ACP3: variants seen among roughly 807,000 people sequenced by gnomAD.
ACP3 encodes the protein acid phosphatase 3, also known as prostatic acid phosphatase.
Under a neutral mutation model 45.6 loss-of-function variants are expected in ACP3, and 38 were observed. That is an observed-to-expected ratio of 0.83 (90% CI 0.64 to 1.09). ACP3 has a LOEUF of 1.09. Ranked by LOEUF, ACP3 falls within the 50% of genes least tolerant of loss-of-function variation. ACP3 has a pLI of 0.00. For missense variants in ACP3, 466 were observed against 463.2 expected (o/e 1.01, Z -0.05); for synonymous variants, 162 against 164.7 (o/e 0.98, Z 0.13).
Position 132,358,341 on chromosome 3 carries a change from A to C in ACP3, c.*1463A>C. 8.9e-7 allele frequency: 1 copy of C among 1,117,466 alleles called. No homozygotes were observed. 69.2% of individuals were successfully genotyped at this position (1,117,466 alleles called of 1,614,324 possible). The stretch of plus-strand genomic sequence containing the variant: ...TTGGAATGTTGAGAGTGTGGTTACG[A>C]AATACGTTAGGAGGACAAAAGGAAT... On this transcript the variant is annotated 3_prime_UTR_variant, in exon 10 of 10. Coordinates refer to ENST00000336375, the MANE Select transcript of ACP3 (RefSeq NM_001099.5).
intron 4 of ACP3, among the ~76,000 whole-genome samples, chr3:132,337,121 G>C (rs1937505193): frequency 6.6e-6 from 1 of 151,356 alleles, no homozygotes; most frequent in Non-Finnish European, 1.5e-5. Context: ...CCTACTGCAA[G>C]AAATGAAAGT....
intron 1 of ACP3, among the ~76,000 whole-genome samples, chr3:132,322,897 G>A (rs954262357): frequency 2.0e-5 from 3 of 152,232 alleles, no homozygotes; most frequent in African/African-American, 7.2e-5. Flanking sequence ...AGAAGTGGGT[G>A]AGTTATCATG....
chr3:132,339,969 C>T (rs1327556965), intron 5 of ACP3, among the ~76,000 whole-genome samples: 1 of 152,152 alleles, frequency 6.6e-6, no homozygotes, highest in Admixed American at 6.5e-5. Flanking sequence ...AAAAGACATA[C>T]TTTGGAGACT....
rs749998275 is a variant in ACP3, at chr3:132,345,013, C to T, written c.735C>T (p.Ser245=). The change falls in exon 7 of 10, where the codon TCC becomes TCT. Residue 245 remains serine (S), a synonymous_variant. Coordinates refer to ENST00000336375, the MANE Select transcript of ACP3 (RefSeq NM_001099.5). ...AATTGTCAGAATTGTCCCTCCTGTC[C>T]CTCTATGGAATTCACAAGCAGAAAG... ...LRELSELSLL[S]LYGIHKQKEK... 3 of 1,613,666 alleles carry T rather than the reference C, an allele frequency of 1.9e-6. No individual in the cohort carries two copies. Among genetic ancestry groups the T allele is most frequent in the Admixed American group, 3.3e-5 (2 of 59,964 alleles).
At chr3:132,336,598 G>A (rs535598346) in intron 4 of ACP3, among the ~76,000 whole-genome samples, 14 of 152,250 alleles carry the variant, frequency 9.2e-5, no homozygotes, top group African/African-American at 2.9e-4. Context: ...GGGAAGGATG[G>A]CTAGAAGAGA....
chr3:132,322,689 C>T (rs1057419947), intron 1 of ACP3, among the ~76,000 whole-genome samples: 87 of 152,300 alleles, frequency 5.7e-4, no homozygotes, highest in African/African-American at 2.0e-3. Flanking sequence ...ACTCACTGTT[C>T]TAGAAGCAAA....
intron 1 of ACP3, among the ~76,000 whole-genome samples, chr3:132,327,600 C>T (rs1452886474): frequency 1.3e-5 from 2 of 150,892 alleles, no homozygotes; most frequent in African/African-American, 4.9e-5. Flanking sequence ...AAGTGGACCA[C>T]CTGAGGTCAG....
At position 132,356,855 on chromosome 3, in the gene ACP3, GGTACTGAA is replaced by G; in HGVS notation, c.1140_1147del (p.Thr381GlnfsTer22). ...GTGTATGACCACAAACAGCCATCAA[GGTACTGAA>G]GACAGTACAGATTAGTGTGCACAGA... is the stretch of plus-strand genomic sequence containing the variant. On this transcript the variant is annotated frameshift_variant, in exon 10 of 10. Transcript: ENST00000336375. LOFTEE classifies it high-confidence loss of function. 1 of 1,614,098 alleles carries G rather than the reference GGTACTGAA, an allele frequency of 6.2e-7. No individual in the cohort carries two copies. The highest frequency in any genetic ancestry group is 8.5e-7 in the Non-Finnish European group (1 of 1,180,002).
At chr3:132,338,694 T>C (rs904016327) in intron 5 of ACP3, among the ~76,000 whole-genome samples, 3 of 152,202 alleles carry the variant, frequency 2.0e-5, no homozygotes, top group Non-Finnish European at 2.9e-5. Flanking sequence ...ATCTGGTAAG[T>C]GGAAAATAAT....
chr3:132,357,145 C>T lies in ACP3; in HGVS notation c.*267C>T. On this transcript the variant is annotated 3_prime_UTR_variant, in exon 10 of 10. Coordinates refer to ENST00000336375, the MANE Select transcript of ACP3 (RefSeq NM_001099.5). ...TGCCAAAATATAATCAGAGATAAAG[C>T]TTAGGTCAAAGTTCATAGAGTTCCC... is the stretch of plus-strand genomic sequence containing the variant. 1.7e-6 allele frequency: 2 copies of T among 1,152,794 alleles called. No homozygotes were observed. The highest frequency in any genetic ancestry group is 2.1e-6 in the Non-Finnish European group (2 of 933,338). 71.4% of individuals were successfully genotyped at this position (1,152,794 alleles called of 1,614,324 possible). A position where few individuals can be genotyped will look rare whatever the true frequency, so the allele number is the denominator to read the frequency against.
At chr3:132,343,937 G>A (rs886191692) in intron 6 of ACP3, among the ~76,000 whole-genome samples, 3 of 152,076 alleles carry the variant, frequency 2.0e-5, no homozygotes, top group Non-Finnish European at 2.9e-5. Context: ...AGTTCAGGAT[G>A]AGCCTGGGCA....
At chr3:132,318,094 T>C (rs147677992) in intron 1 of ACP3, among the ~76,000 whole-genome samples, 17 of 152,370 alleles carry the variant, frequency 1.1e-4, no homozygotes, top group Middle Eastern at 3.4e-3. Flanking sequence ...TTCTGATATA[T>C]AGATTTAGTT....
intron 4 of ACP3, among the ~76,000 whole-genome samples, chr3:132,335,028 CTGTT>C (rs1372916092): frequency 2.0e-5 from 3 of 152,032 alleles, no homozygotes; most frequent in Non-Finnish European, 4.4e-5. Context: ...GGTGATTATT[CTGTT>C]TATTTTCAGC....
intron 5 of ACP3, 62 bp downstream of exon 5, chr3:132,337,616 G>A: frequency 2.1e-6 from 2 of 973,484 alleles, no homozygotes; most frequent in Non-Finnish European, 1.6e-6. Context: ...GAGTGTGAGG[G>A]CCAAGACACA....
chr3:132,344,436 A>C (rs1142139), intron 6 of ACP3, among the ~76,000 whole-genome samples: 72,028 of 150,292 alleles, frequency 0.48, 17,923 homozygotes, highest in Middle Eastern at 0.66. Flanking sequence ...AGAGCAAGAC[A>C]ATGTCTCTGA....
chr3:132,321,210 C>T (rs943293473), intron 1 of ACP3, among the ~76,000 whole-genome samples: 2 of 151,978 alleles, frequency 1.3e-5, no homozygotes, highest in Non-Finnish European at 2.9e-5. Context: ...GGTGCAGCAA[C>T]TCACACCTGT....
chr3:132,355,179 G>A lies in ACP3; in HGVS notation c.969-1507G>A, dbSNP rs917984536. On this transcript the variant is annotated intron_variant, in intron 9 of 9. Transcript: ENST00000336375. ...AATGAAAGGGTGGAGGCAGCAACCC[G>A]CTTATCAACCACGTCAGCCTTTTAA... Among the ~76,000 whole-genome samples the A allele has an allele frequency of 3.3e-5, 5 of 152,178 alleles. No individual in the cohort carries two copies. In the East Asian group the frequency reaches 5.8e-4, roughly 18 times the overall value.
At position 132,357,056 on chromosome 3, in the gene ACP3, C is replaced by T; in HGVS notation, c.*178C>T. On this transcript the variant is annotated 3_prime_UTR_variant, in exon 10 of 10. Transcript: ENST00000336375. Reference sequence around the variant, plus strand: ...CTACCTCTTCACCTGACCCTGCCCCCACTTGCCATAAAACTTAGCTAAGTT... The same window carrying T: ...CTACCTCTTCACCTGACCCTGCCCCTACTTGCCATAAAACTTAGCTAAGTT... 2 of 1,352,810 alleles carry T rather than the reference C, an allele frequency of 1.5e-6. No individual in the cohort carries two copies. Among genetic ancestry groups the T allele is most frequent in the South Asian group, 2.0e-5 (1 of 49,526 alleles). 83.8% of individuals were successfully genotyped at this position (1,352,810 alleles called of 1,614,324 possible).
intron 6 of ACP3, 100 bp downstream of exon 6, chr3:132,342,744 T>G (rs1937566782): frequency 4.4e-6 from 3 of 689,612 alleles, no homozygotes; most frequent in Admixed American, 6.4e-5. Flanking sequence ...TCTTTATGAA[T>G]GTATTACTTA....
Sources: allele counts gnomAD v4.1 joint callset (sites outside exome capture counted in the v4.1 genomes callset), GRCh38; gene constraint gnomAD v4.1.1; transcripts MANE v1.5; gene names NCBI Gene and HGNC (gene_info 2026-07-23, HGNC 2026-07-21).